PCLO: variants seen among roughly 807,000 people sequenced by gnomAD.
PCLO encodes protein piccolo.
In PCLO, 82 loss-of-function variants were observed where a neutral mutation model predicts 427.5. The observed-to-expected ratio is 0.19, with a 90% confidence interval of 0.16 to 0.23. PCLO has a LOEUF of 0.23. PCLO is among the 10% of genes least tolerant of loss of function. The probability of loss-of-function intolerance (pLI) is 1.00; values close to 1 mark genes in which losing one functional copy is unlikely to be tolerated. For synonymous variants in PCLO, 2,357 were observed against 2,155.4 expected (o/e 1.09, Z -2.59); for missense variants, 6,239 against 6,115.9 (o/e 1.02, Z -0.67).
intron 10 of PCLO, among the ~76,000 whole-genome samples, chr7:82,859,484 A>C (rs1302587165): frequency 1.3e-5 from 2 of 152,348 alleles, no homozygotes; most frequent in Non-Finnish European, 1.5e-5. Context: ...GAATTCTCCC[A>C]GATCTTGTGC....
At chr7:82,928,627 G>A (rs1374010471) in intron 6 of PCLO, among the ~76,000 whole-genome samples, 2 of 151,974 alleles carry the variant, frequency 1.3e-5, no homozygotes, top group Admixed American at 6.6e-5. Flanking sequence ...CACCCGCCTC[G>A]GCCTCCCAAA....
chr7:83,155,116 G>C lies in PCLO; in HGVS notation c.1525C>G (p.Pro509Ala), dbSNP rs752492802. 6.5e-7 allele frequency: 1 copy of C among 1,541,250 alleles called. No homozygotes were observed. Among genetic ancestry groups the C allele is most frequent in the Non-Finnish European group, 8.8e-7 (1 of 1,134,062 alleles). ...PPSQQPGSTK[P>A]PPQQPGPAKP... ...GCTGGGCCAGGCTGTTGAGGTGGGG[G>C]TTTTGTTGAGCCAGGCTGTTGAGAT... Residue 509 changes from proline (P) to alanine (A), a missense_variant, in exon 2 of 25, where the codon CCC becomes GCC. Physicochemically the swap from Pro to Ala is conservative, Grantham distance 27. Around this residue, in one of 5 missense-constraint regions of PCLO, gnomAD observed 4,677 missense variants for 4,468.4 expected, o/e 1.05. Coordinates refer to ENST00000333891, the MANE Select transcript of PCLO (RefSeq NM_033026.6).
Position 82,953,095 on chromosome 7 carries a change from A to G in PCLO, c.7858T>C (p.Phe2620Leu). ...GCTGTCACAGGAGGAACTACAGAAA[A>G]CACAGGTTCAACAGAAACCAGATCT... ...SKDLVSVEPV[F>L]SVVPPVTAVE... Residue 2620 changes from phenylalanine to leucine, a missense_variant, in exon 5 of 25, where the codon TTT becomes CTT. Phe to Leu is a conservative substitution (Grantham distance 22). Coordinates refer to ENST00000333891, the MANE Select transcript of PCLO (RefSeq NM_033026.6). 2 of 1,613,944 alleles carry G rather than the reference A, an allele frequency of 1.2e-6. No individual in the cohort carries two copies. Among genetic ancestry groups the G allele is most frequent in the Non-Finnish European group, 8.5e-7 (1 of 1,179,866 alleles).
At chr7:83,073,148 G>T (rs1190688587) in intron 3 of PCLO, among the ~76,000 whole-genome samples, 1 of 151,844 alleles carries the variant, frequency 6.6e-6, no homozygotes, top group Non-Finnish European at 1.5e-5. Context: ...AATATTACAA[G>T]AAGGCAGGAA....
At chr7:82,822,994 C>T (rs983623883) in intron 19 of PCLO, among the ~76,000 whole-genome samples, 2 of 152,064 alleles carry the variant, frequency 1.3e-5, no homozygotes, top group African/African-American at 2.4e-5. Flanking sequence ...CTAATTCCAG[C>T]AGAGGTCAGG....
chr7:82,925,267 CA>C (rs1241316397), intron 6 of PCLO, among the ~76,000 whole-genome samples: 1 of 151,736 alleles, frequency 6.6e-6, no homozygotes, highest in African/African-American at 2.4e-5. Flanking sequence ...TTTTTCTCTC[CA>C]AACAAGAGGT....
chr7:83,146,659 C>G, intron 2 of PCLO, among the ~76,000 whole-genome samples: 1 of 151,194 alleles, frequency 6.6e-6, no homozygotes, highest in Middle Eastern at 3.4e-3. Flanking sequence ...TGCAGTGGCA[C>G]GACCTAGGCT....
chr7:83,078,813 G>C lies in PCLO; in HGVS notation c.3300+55437C>G, dbSNP rs540215619. Among the ~76,000 whole-genome samples the C allele has an allele frequency of 2.6e-5, 4 of 152,156 alleles. No homozygotes were observed. In the South Asian group the frequency reaches 8.3e-4, roughly 32 times the overall value. The stretch of plus-strand genomic sequence containing the variant: ...GGCCTCCCAAAGTGCTGGGATAACA[G>C]GCATGATCCAACCCACCTGGCCACT... On this transcript the variant is annotated intron_variant, in intron 3 of 24. Transcript: ENST00000333891.
At chr7:82,873,238 C>T (rs900066470) in intron 10 of PCLO, among the ~76,000 whole-genome samples, 2 of 135,458 alleles carry the variant, frequency 1.5e-5, no homozygotes, top group African/African-American at 2.8e-5. Context: ...TACAGGTCAT[C>T]GCCTGGTTAA....
At position 82,916,486 on chromosome 7, in the gene PCLO, T is replaced by C. The variant is rs1283988864; in HGVS notation, c.11500A>G (p.Met3834Val). 6.2e-7 allele frequency: 1 copy of C among 1,613,702 alleles called. No homozygotes were observed. The change falls in exon 7 of 25, where the codon ATG becomes GTG. Residue 3834 changes from methionine (M) to valine (V), a missense_variant. By Grantham distance (21) the Met-to-Val change is conservative (BLOSUM62 1). Coordinates refer to ENST00000333891, the MANE Select transcript of PCLO (RefSeq NM_033026.6). ...LQGVAEDRDYMSDSEVSSTRP... is the reference protein window; with the variant it reads ...LQGVAEDRDYVSDSEVSSTRP... ...GTGCTACTCACTTCACTGTCAGACA[T>C]GTAATCACGATCCTCAGCTACTCCC... is the stretch of plus-strand genomic sequence containing the variant.
chr7:82,906,264 G>A (rs189886905), intron 8 of PCLO, among the ~76,000 whole-genome samples: 2 of 151,798 alleles, frequency 1.3e-5, no homozygotes, highest in Admixed American at 1.3e-4. Context: ...TAGTATTATT[G>A]GTTTTATTAC....
rs549126526 is a variant in PCLO at position 83,029,684 on chromosome 7, C to G, written c.3301-63197G>C. 4.3e-4 allele frequency among the ~76,000 whole-genome samples: 53 copies of G among 123,944 alleles called. 1 individual carries two copies. In the South Asian group the frequency reaches 0.016, roughly 38 times the overall value. The allele number at this position is 123,944 out of a possible 152,430, so 81.3% of individuals were successfully genotyped here. A position where few individuals can be genotyped will look rare whatever the true frequency, so the allele number is the denominator to read the frequency against. ...CACGTATGTTTACTGCGGCATTATT[C>G]ACAATAGCAAAGACTTGGAACCAAC... On this transcript the variant is annotated intron_variant, in intron 3 of 24. Transcript: ENST00000333891.
At chr7:82,906,609 T>A (rs931052482) in intron 8 of PCLO, among the ~76,000 whole-genome samples, 4 of 152,048 alleles carry the variant, frequency 2.6e-5, no homozygotes, top group African/African-American at 9.7e-5. Flanking sequence ...CAAATTATTG[T>A]CACAAAAGTC....
At chr7:83,006,062 T>C (rs139022216) in intron 3 of PCLO, among the ~76,000 whole-genome samples, 67 of 151,764 alleles carry the variant, frequency 4.4e-4, no homozygotes, top group Non-Finnish European at 8.9e-4. Context: ...CTGTACGCAA[T>C]GCATTTTATG....
chr7:82,953,453 G>T lies in PCLO; in HGVS notation c.7500C>A (p.Thr2500=). The T allele has an allele frequency of 3.7e-6, 6 of 1,613,348 alleles. No individual in the cohort carries two copies. Among genetic ancestry groups the T allele is most frequent in the Non-Finnish European group, 5.1e-6 (6 of 1,179,768 alleles). The change falls in exon 5 of 25, where the codon ACC becomes ACA. Residue 2500 remains threonine (T), a synonymous_variant. Transcript: ENST00000333891. The part of the protein sequence containing the change: ...PSSIPSGLVF[T]HRPEPSKPPI... ...GAGGTTTGCTTGGCTCAGGCCTGTG[G>T]GTAAATACAAGTCCAGATGGAATTG...
At chr7:82,806,686 C>T (rs901399673) in intron 20 of PCLO, among the ~76,000 whole-genome samples, 5 of 152,284 alleles carry the variant, frequency 3.3e-5, no homozygotes, top group South Asian at 4.2e-4. Context: ...GTGAACTTTT[C>T]GGTCACACCG....
Position 82,794,450 on chromosome 7 carries a change from A to ATTTTTTTTTCTTTTTTT in PCLO, c.15007+7067_15007+7068insAAAAAAAGAAAAAAAAA, listed in dbSNP as rs141105612. On this transcript the variant is annotated intron_variant, in intron 22 of 24. Coordinates refer to ENST00000333891, the MANE Select transcript of PCLO (RefSeq NM_033026.6). The stretch of plus-strand genomic sequence containing the variant: ...TTGTTACTGACATGCTAGTTCATAA[A>ATTTTTTTTTCTTTTTTT]TTTTTTTTCTTTTTTTTTTTTTTTT... Among the ~76,000 whole-genome samples the ATTTTTTTTTCTTTTTTT allele has an allele frequency of 8.1e-5, 5 of 62,078 alleles. No individual in the cohort carries two copies. The South Asian group carries it at 4.1e-3, about 51-fold the overall frequency. 40.7% of individuals were successfully genotyped at this position (62,078 alleles called of 152,430 possible).
At chr7:83,076,907 A>G (rs994578013) in intron 3 of PCLO, among the ~76,000 whole-genome samples, 3 of 151,870 alleles carry the variant, frequency 2.0e-5, no homozygotes, top group Non-Finnish European at 4.4e-5. Flanking sequence ...AGTAAACACT[A>G]TAAATCTAAC....
At chr7:83,068,054 T>A (rs1237834915) in intron 3 of PCLO, among the ~76,000 whole-genome samples, 2 of 152,228 alleles carry the variant, frequency 1.3e-5, no homozygotes, top group Non-Finnish European at 2.9e-5. Context: ...TTTAACAATA[T>A]TGGGTAATAT....
Sources: gnomAD v4.1 joint callset for allele counts (sites outside exome capture counted in the v4.1 genomes callset) on GRCh38, gnomAD v4.1.1 for gene constraint, gnomAD v4.1.1 regional missense constraint, MANE v1.5 for transcripts, NCBI Gene and HGNC (gene_info 2026-07-23, HGNC 2026-07-21) for gene names.